The following PYGB variants were observed in gnomAD, a reference collection of about 807,000 sequenced individuals.
The protein encoded by PYGB is glycogen phosphorylase, brain form.
In PYGB, 82 loss-of-function variants were observed where a neutral mutation model predicts 94.3. The ratio of observed to expected loss-of-function variants is 0.87; its 90% CI spans 0.73 to 1.04. PYGB has a LOEUF of 1.04. Ranked by LOEUF, PYGB falls within the 50% of genes least tolerant of loss-of-function variation. The pLI is 0.00. For synonymous variants in PYGB, 488 were observed against 479.1 expected (o/e 1.02, Z -0.24); for missense variants, 1,132 against 1,158.2 (o/e 0.98, Z 0.33).
In PYGB at chr20:25,248,215, C is replaced by T; in HGVS notation, c.37C>T (p.Gln13Ter). 6.3e-7 allele frequency: 1 copy of T among 1,594,972 alleles called. No individual in the cohort carries two copies. Among genetic ancestry groups the T allele is most frequent in the Non-Finnish European group, 8.5e-7 (1 of 1,171,444 alleles). The change falls in exon 1 of 20, where the codon CAG (glutamine) becomes TAG (stop). Residue 13 changes from glutamine to a stop codon, truncating the protein, a stop_gained. Coordinates refer to ENST00000216962, the MANE Select transcript of PYGB (RefSeq NM_002862.4). LOFTEE classifies it high-confidence loss of function. Reference protein sequence around the residue: ...KPLTDSEKRKQISVRGLAGLG... With the variant: ...KPLTDSEKRK ...GCTGACGGACAGCGAGAAGCGGAAG[C>T]AGATCAGCGTGCGCGGCCTGGCGGG...
At chr20:25,284,044 A>G in intron 13 of PYGB, 60 bp from the exon 14 acceptor site, 1 of 1,589,438 alleles carries the variant, frequency 6.3e-7, no homozygotes, top group African/African-American at 1.3e-5. Context: ...AGGAAGCCGC[A>G]GGGTCAGTGG....
chr20:25,285,880 T>G (rs2088413820), intron 14 of PYGB, among the ~76,000 whole-genome samples: 1 of 152,172 alleles, frequency 6.6e-6, no homozygotes, highest in Non-Finnish European at 1.5e-5. Context: ...GCTGGCCACT[T>G]TGTGTCTAGT....
rs139436608 is a variant in PYGB at position 25,271,591 on chromosome 20, G to C, written c.528+105G>C. On this transcript the variant is annotated intron_variant, in intron 4 of 19. Transcript: ENST00000216962. ...TATACTTCCCACGCCCCCGCCAGGG[G>C]ACTGCAGGCCGGCCAGGGCAATGTG... 16 of 1,279,474 alleles carry C rather than the reference G, an allele frequency of 1.3e-5. No individual in the cohort carries two copies. The East Asian group carries it at 3.5e-4, about 28-fold the overall frequency. 79.3% of individuals were successfully genotyped at this position (1,279,474 alleles called of 1,614,324 possible).
chr20:25,255,350 ACCAGCAGGAG>A (rs979742471), intron 1 of PYGB, among the ~76,000 whole-genome samples: 4 of 152,184 alleles, frequency 2.6e-5, no homozygotes, highest in African/African-American at 9.7e-5. Context: ...TGCTCAGCTC[ACCAGCAGGAG>A]CCAGCAGGTC....
At chr20:25,253,522 G>C (rs2092894225) in intron 1 of PYGB, among the ~76,000 whole-genome samples, 1 of 151,952 alleles carries the variant, frequency 6.6e-6, no homozygotes, top group Non-Finnish European at 1.5e-5. Flanking sequence ...CGTGGTGGTG[G>C]ACATCTGCAG....
intron 14 of PYGB, among the ~76,000 whole-genome samples, chr20:25,287,700 C>T (rs111822322): frequency 1.1e-4 from 17 of 151,878 alleles, no homozygotes; most frequent in East Asian, 3.9e-4. Flanking sequence ...TGGTAGAGTG[C>T]GAGGCGCGGT....
Position 25,288,861 on chromosome 20 carries a change from A to C in PYGB, c.1827+378A>C, listed in dbSNP as rs146973075. On this transcript the variant is annotated intron_variant, in intron 15 of 19. Coordinates refer to ENST00000216962, the MANE Select transcript of PYGB (RefSeq NM_002862.4). ...TTCAGTTCACTTTATTTACTATGAC[A>C]CATACTTTCAGAGTCCTAGATGTGC... 1.4e-3 allele frequency among the ~76,000 whole-genome samples: 206 copies of C among 152,272 alleles called. 1 individual carries two copies. The highest frequency in any genetic ancestry group is 4.7e-3 in the African/African-American group (194 of 41,544).
rs1459555134 is a variant in PYGB, at chr20:25,272,972, A to G, written c.528+1486A>G. On this transcript the variant is annotated intron_variant, in intron 4 of 19. Transcript: ENST00000216962. ...CCTTCTGGTGGTCCTCGTTCCTGTAACTCTTGCAACTTTGTGTGATAGTTT... is the reference window on the plus strand; with the variant it reads ...CCTTCTGGTGGTCCTCGTTCCTGTAGCTCTTGCAACTTTGTGTGATAGTTT... 2.0e-5 allele frequency among the ~76,000 whole-genome samples: 3 copies of G among 152,008 alleles called. No homozygotes were observed. The East Asian group carries it at 5.8e-4, about 29-fold the overall frequency.
chr20:25,252,830 A>AGCTCAGC (rs1441247418), intron 1 of PYGB, among the ~76,000 whole-genome samples: 4 of 152,132 alleles, frequency 2.6e-5, no homozygotes, highest in African/African-American at 7.2e-5. Flanking sequence ...ATTGGTGATG[A>AGCTCAGC]GCTCAGCCTT....
chr20:25,265,612 T>TG (rs1416948848), intron 2 of PYGB, among the ~76,000 whole-genome samples: 14 of 129,470 alleles, frequency 1.1e-4, no homozygotes, highest in African/African-American at 3.8e-4. Flanking sequence ...TTTTTTTTTT[T>TG]GAAATGGAGT....
intron 2 of PYGB, among the ~76,000 whole-genome samples, chr20:25,264,093 G>A (rs74541616): frequency 6.6e-6 from 1 of 152,100 alleles, no homozygotes; most frequent in Non-Finnish European, 1.5e-5. Flanking sequence ...ATCAAGTGGG[G>A]TTCATCCCTG....
intron 2 of PYGB, among the ~76,000 whole-genome samples, chr20:25,268,346 T>C (rs6050505): frequency 0.057 from 8,707 of 152,080 alleles, 810 homozygotes; most frequent in African/African-American, 0.2. Context: ...TTTAAAACAC[T>C]ACCACTCTTC....
intron 1 of PYGB, among the ~76,000 whole-genome samples, chr20:25,256,179 C>T (rs2092902153): frequency 6.6e-6 from 1 of 152,176 alleles, no homozygotes; most frequent in Non-Finnish European, 1.5e-5. Context: ...AGGCCCAATT[C>T]TGTGAATCTC....
intron 1 of PYGB, among the ~76,000 whole-genome samples, chr20:25,258,749 G>A (rs768445361): frequency 2.6e-5 from 4 of 152,278 alleles, no homozygotes; most frequent in Admixed American, 1.3e-4. Context: ...CCATTCAGCC[G>A]TCTGTGCTGC....
chr20:25,257,891 A>G (rs142012751), intron 1 of PYGB, among the ~76,000 whole-genome samples: 3 of 152,168 alleles, frequency 2.0e-5, no homozygotes, highest in Non-Finnish European at 4.4e-5. Context: ...TGCTATGGAA[A>G]CCCCATAGAA....
At chr20:25,251,402 A>G (rs989352923) in intron 1 of PYGB, 1 of 152,242 alleles carries the variant, frequency 6.6e-6, no homozygotes, top group Non-Finnish European at 1.5e-5. Context: ...AGGGGAATCA[A>G]GCTGGTGATG....
intron 8 of PYGB, 95 bp from the exon 9 acceptor site, chr20:25,278,962 G>GGGGGGC: frequency 9.1e-7 from 1 of 1,100,264 alleles, no homozygotes; most frequent in East Asian, 3.4e-5. Context: ...GGTGGGCTGG[G>GGGGGGC]CTGGCTCCTT....
chr20:25,259,372 C>T (rs748510543), intron 2 of PYGB, 34 bp downstream of exon 2: 2 of 1,516,706 alleles, frequency 1.3e-6, no homozygotes, highest in African/African-American at 1.4e-5. Flanking sequence ...TCTGGGTGGC[C>T]CCTCGTGGTG....
At chr20:25,281,670 C>G (rs201533991) in intron 11 of PYGB, among the ~76,000 whole-genome samples, 1 of 152,196 alleles carries the variant, frequency 6.6e-6, no homozygotes, top group Non-Finnish European at 1.5e-5. Context: ...GGGCCCCTCC[C>G]CAGTAGCTAT....
Sources: gnomAD v4.1 joint callset for allele counts (sites outside exome capture counted in the v4.1 genomes callset) on GRCh38, gnomAD v4.1.1 for gene constraint, MANE v1.5 for transcripts, NCBI Gene and HGNC (gene_info 2026-07-23, HGNC 2026-07-21) for gene names.